The following ECEL1 variants were observed in gnomAD, a reference collection of about 807,000 sequenced individuals.
The protein encoded by ECEL1 is endothelin converting enzyme like 1, also known as endothelin-converting enzyme-like 1.
In ECEL1, 87 loss-of-function variants were observed where a neutral mutation model predicts 101.8. That is an observed-to-expected ratio of 0.85 (90% CI 0.72 to 1.02). The LOEUF is 1.02. ECEL1 is among the 50% of genes least tolerant of loss of function. The probability of loss-of-function intolerance (pLI) is 0.00; values close to 1 mark genes in which losing one functional copy is unlikely to be tolerated. For missense variants in ECEL1, 1,032 were observed against 1,079.2 expected, an observed-to-expected ratio of 0.96 and a Z score of 0.61; for synonymous variants, 487 against 468.7, an observed-to-expected ratio of 1.04 and a Z score of -0.50.
Position 232,486,698 on chromosome 2 carries a change from G to A in ECEL1, c.-45C>T. 1 of 1,431,098 alleles carries A rather than the reference G, an allele frequency of 7.0e-7. No homozygotes were observed. 88.6% of individuals were successfully genotyped at this position (1,431,098 alleles called of 1,614,324 possible). On this transcript the variant is annotated 5_prime_UTR_variant, in exon 2 of 18. Transcript: ENST00000304546. ...TGCAGACCTGGGCCACCTGGGCTAC[G>A]GGATGCGCGTGGCCGCCGGCCTCCT...
Position 232,485,966 on chromosome 2 carries a change from G to C in ECEL1, c.688C>G (p.Arg230Gly), listed in dbSNP as rs764047753. ...ACGCCCTGCGCCTTGTACAGCAGCCGGTTGAGGTCCCATCGCGCCGCGACC... is the reference window on the plus strand; with the variant it reads ...ACGCCCTGCGCCTTGTACAGCAGCCCGTTGAGGTCCCATCGCGCCGCGACC... ...PGVAARWDLN[R>G]LLYKAQGVYS... The change falls in exon 2 of 18, where the codon CGG becomes GGG. Residue 230 changes from arginine to glycine, a missense_variant. Physicochemically the swap from Arg to Gly is moderately radical, Grantham distance 125. Coordinates refer to ENST00000304546, the MANE Select transcript of ECEL1 (RefSeq NM_004826.4). The C allele has an allele frequency of 6.3e-7, 1 of 1,597,548 alleles. No individual in the cohort carries two copies. The highest frequency in any genetic ancestry group is 1.1e-5 in the South Asian group (1 of 88,862).
chr2:232,486,776 G>A, intron 1 of ECEL1, 22 bp from the exon 2 acceptor site: 1 of 1,099,132 alleles, frequency 9.1e-7, no homozygotes, highest in Non-Finnish European at 1.2e-6. Flanking sequence ...GCGGAAGCAG[G>A]CTCAGGAGGC....
rs141826924 is a variant in ECEL1 at position 232,484,801 on chromosome 2, G to T, written c.1059C>A (p.His353Gln). ...TLGQLQKITP[H>Q]LRWKWLLDQI... ...CCCACGAGGACTGGGCCACACTCAC[G>T]TGGGGGGTGATCTTCTGCAGCTGCC... The change falls in exon 5 of 18, where the codon CAC (histidine) becomes CAA (glutamine). Residue 353 changes from histidine (H) to glutamine (Q), a missense_variant and splice_region_variant. Physicochemically the swap from His to Gln is conservative, Grantham distance 24. Transcript: ENST00000304546. 1 of 1,613,852 alleles carries T rather than the reference G, an allele frequency of 6.2e-7. No individual in the cohort carries two copies. The highest frequency in any genetic ancestry group is 8.5e-7 in the Non-Finnish European group (1 of 1,180,008).
rs757065153 is a variant in ECEL1, at chr2:232,486,698, G to C, written c.-45C>G. On this transcript the variant is annotated 5_prime_UTR_variant, in exon 2 of 18. Coordinates refer to ENST00000304546, the MANE Select transcript of ECEL1 (RefSeq NM_004826.4). ...TGCAGACCTGGGCCACCTGGGCTACGGGATGCGCGTGGCCGCCGGCCTCCT... is the reference window on the plus strand; with the variant it reads ...TGCAGACCTGGGCCACCTGGGCTACCGGATGCGCGTGGCCGCCGGCCTCCT... The C allele has an allele frequency of 4.7e-4, 669 of 1,430,986 alleles. No homozygotes were observed. The highest frequency in any genetic ancestry group is 5.8e-4 in the Non-Finnish European group (641 of 1,100,660). The allele number at this position is 1,430,986 out of a possible 1,614,324, so 88.6% of individuals were successfully genotyped here.
At position 232,486,208 on chromosome 2, in the gene ECEL1, G is replaced by T; in HGVS notation, c.446C>A (p.Thr149Asn). Residue 149 changes from threonine to asparagine, a missense_variant, in exon 2 of 18, where the codon ACC becomes AAC. Coordinates refer to ENST00000304546, the MANE Select transcript of ECEL1 (RefSeq NM_004826.4). ...GTTTTGCTCGCCGATGGCCGCGATG[G>T]TGCCATAGGTGAGCTTGTCGTCGGG... ...AIPDDKLTYG[T>N]IAAIGEQNEE... The T allele has an allele frequency of 6.2e-7, 1 of 1,600,150 alleles. No homozygotes were observed. Among genetic ancestry groups the T allele is most frequent in the Non-Finnish European group, 8.5e-7 (1 of 1,178,112 alleles).
At position 232,480,794 on chromosome 2, in the gene ECEL1, C is replaced by A; in HGVS notation, c.2075G>T (p.Arg692Leu). 1.2e-6 allele frequency: 2 copies of A among 1,613,754 alleles called. No homozygotes were observed. Among genetic ancestry groups the A allele is most frequent in the East Asian group, 2.2e-5 (1 of 44,866 alleles). The change falls in exon 16 of 18, where the codon CGG (arginine) becomes CTG (leucine). Residue 692 changes from arginine (R) to leucine (L), a missense_variant. Arg to Leu is a moderately radical substitution (Grantham distance 102). Transcript: ENST00000304546. The part of the protein sequence containing the change: ...LAYHAYQKWV[R>L]EHGPEHPLPR... ...AAGTGGGTGCTCTGGGCCGTGCTCC[C>A]GCACCCACTTCTGATAGGCCTGGGG...
chr2:232,484,394 C>T, intron 6 of ECEL1, 78 bp downstream of exon 6: 4 of 1,588,636 alleles, frequency 2.5e-6, no homozygotes, highest in Non-Finnish European at 2.6e-6. Flanking sequence ...ATGTAAAGCC[C>T]ACCCAGCAGA....
intron 7 of ECEL1, 66 bp from the exon 8 acceptor site, chr2:232,483,580 G>A (rs1690642132): frequency 7.2e-7 from 1 of 1,395,762 alleles, no homozygotes; most frequent in African/African-American, 1.4e-5. Flanking sequence ...CCTGGCAGGA[G>A]GGGTACCCCT....
chr2:232,486,722 C>G lies in ECEL1; in HGVS notation c.-69G>C. The G allele has an allele frequency of 7.3e-7, 1 of 1,376,862 alleles. No homozygotes were observed. Among genetic ancestry groups the G allele is most frequent in the Non-Finnish European group, 9.4e-7 (1 of 1,067,768 alleles). 85.3% of individuals were successfully genotyped at this position (1,376,862 alleles called of 1,614,324 possible). ...CGGGATGCGCGTGGCCGCCGGCCTC[C>G]TCGTGGGCCTCCGCATGGCCCTGGG... On this transcript the variant is annotated 5_prime_UTR_variant, in exon 2 of 18. Coordinates refer to ENST00000304546, the MANE Select transcript of ECEL1 (RefSeq NM_004826.4).
intron 14 of ECEL1, 133 bp downstream of exon 14, chr2:232,481,373 G>A: frequency 6.9e-7 from 1 of 1,454,812 alleles, no homozygotes. Context: ...GTGTGCGTGG[G>A]AACCGAATGT....
chr2:232,486,537 C>G lies in ECEL1; in HGVS notation c.117G>C (p.Leu39Phe), dbSNP rs1690734634. The change falls in exon 2 of 18, where the codon TTG becomes TTC. Residue 39 changes from leucine (L) to phenylalanine (F), a missense_variant. By Grantham distance (22) the Leu-to-Phe change is conservative. Transcript: ENST00000304546. ...CCCCGGTGGCGCTGCGCGCAGCGCC[C>G]AACGGGAAGCCCGGGGGCAGGGAGG... Reference protein sequence around the residue: ...RGASLPPGFPLGAARSATGAR... With the variant: ...RGASLPPGFPFGAARSATGAR... 1 of 1,345,762 alleles carries G rather than the reference C, an allele frequency of 7.4e-7. No homozygotes were observed. The highest frequency in any genetic ancestry group is 4.0e-5 in the Admixed American group (1 of 25,172). 83.4% of individuals were successfully genotyped at this position (1,345,762 alleles called of 1,614,324 possible).
intron 2 of ECEL1, 45 bp downstream of exon 2, chr2:232,485,823 C>G: frequency 6.5e-7 from 1 of 1,535,306 alleles, no homozygotes; most frequent in East Asian, 2.4e-5. Context: ...GCCACTGCGC[C>G]CCGGATCCGC....
chr2:232,484,248 G>C (rs747393129), intron 6 of ECEL1, 25 bp from the exon 7 acceptor site: 2 of 1,599,640 alleles, frequency 1.3e-6, no homozygotes, highest in East Asian at 2.2e-5. Context: ...AAGCCAGTGG[G>C]TGTCCAGACG....
At chr2:232,487,635 C>A in intron 1 of ECEL1, 84 bp downstream of exon 1, 1 of 152,766 alleles carries the variant, frequency 6.5e-6, no homozygotes, top group South Asian at 1.8e-4. Flanking sequence ...CAGACAAAGC[C>A]GGGAGGCTCC....
At position 232,484,201 on chromosome 2, in the gene ECEL1, A is replaced by T; in HGVS notation, c.1207T>A (p.Trp403Arg). Reference sequence around the variant, plus strand: ...TCACTCAGGACCACCACCACGCGCCACACCAGGTAGTTGTGCAGGACCCTG... The same window carrying T: ...TCACTCAGGACCACCACCACGCGCCTCACCAGGTAGTTGTGCAGGACCCTG... ...PHRVLHNYLV[W>R]RVVVVLSEHL... is the part of the protein sequence containing the mutation. The change falls in exon 7 of 18, where the codon TGG becomes AGG. Residue 403 changes from tryptophan (W) to arginine (R), a missense_variant. Physicochemically the swap from Trp to Arg is moderately radical, Grantham distance 101 (BLOSUM62 -3). Transcript: ENST00000304546. 1 of 1,612,538 alleles carries T rather than the reference A, an allele frequency of 6.2e-7. No individual in the cohort carries two copies. Among genetic ancestry groups the T allele is most frequent in the East Asian group, 2.2e-5 (1 of 44,870 alleles).
intron 12 of ECEL1, among the ~76,000 whole-genome samples, chr2:232,482,129 G>T (rs372484544): frequency 6.6e-6 from 1 of 152,236 alleles, no homozygotes; most frequent in Non-Finnish European, 1.5e-5. Context: ...AGGCACCTAC[G>T]TAGGGGTTTC....
chr2:232,481,460 T>C, intron 14 of ECEL1, 46 bp downstream of exon 14: 6 of 1,573,442 alleles, frequency 3.8e-6, no homozygotes, highest in Non-Finnish European at 4.3e-6. Context: ...TCCCGGCCCG[T>C]GCCCCACCAG....
In ECEL1 at chr2:232,485,217, C is replaced by T; in HGVS notation, c.837G>A (p.Gln279=). ...CCAGCACCTTCTCACTGTCCTCATCCTGAGCGAGGTACAGGGTCCTCTCTG... is the reference window on the plus strand; with the variant it reads ...CCAGCACCTTCTCACTGTCCTCATCTTGAGCGAGGTACAGGGTCCTCTCTG... ...TLPERTLYLA[Q]DEDSEKILAA... Residue 279 remains glutamine, a synonymous_variant, in exon 3 of 18, where the codon CAG becomes CAA. Coordinates refer to ENST00000304546, the MANE Select transcript of ECEL1 (RefSeq NM_004826.4). The T allele has an allele frequency of 6.2e-7, 1 of 1,613,720 alleles. No homozygotes were observed. Among genetic ancestry groups the T allele is most frequent in the Non-Finnish European group, 8.5e-7 (1 of 1,180,002 alleles).
chr2:232,480,837 C>T, intron 15 of ECEL1, 24 bp from the exon 16 acceptor site: 1 of 1,599,472 alleles, frequency 6.3e-7, no homozygotes, highest in African/African-American at 1.3e-5. Flanking sequence ...GAGCATGGAC[C>T]TGCTATGCCC....
Sources: allele counts gnomAD v4.1 joint callset (sites outside exome capture counted in the v4.1 genomes callset), GRCh38; gene constraint gnomAD v4.1.1; transcripts MANE v1.5; gene names NCBI Gene and HGNC (gene_info 2026-07-23, HGNC 2026-07-21).